Variants in LRP1B observed in about 807,000 individuals in gnomAD.
LRP1B encodes LDL receptor related protein 1B.
Under a neutral mutation model 556.6 loss-of-function variants are expected in LRP1B, and 217 were observed. The observed-to-expected ratio is 0.39, with a 90% CI of 0.35 to 0.44. The LOEUF is 0.44. Ranked by LOEUF, LRP1B falls within the 20% of genes least tolerant of loss-of-function variation. The pLI is 1.00. For missense variants in LRP1B, 5,053 were observed against 5,620.8 expected (o/e 0.90, Z 3.23); for synonymous variants, 2,047 against 1,865.8 (o/e 1.10, Z -2.50).
At chr2:141,214,528 T>C (rs1482776890) in intron 6 of LRP1B, among the ~76,000 whole-genome samples, 2 of 152,194 alleles carry the variant, frequency 1.3e-5, no homozygotes, top group Non-Finnish European at 2.9e-5. Flanking sequence ...AAATGTCTAC[T>C]CAGCCTAAGT....
intron 7 of LRP1B, among the ~76,000 whole-genome samples, chr2:141,135,770 T>C (rs1190527829): frequency 2.0e-5 from 3 of 151,954 alleles, no homozygotes; most frequent in South Asian, 4.1e-4. Flanking sequence ...ACTGAGTATA[T>C]ACATGTGGTT....
intron 1 of LRP1B, among the ~76,000 whole-genome samples, chr2:141,826,484 G>C (rs1015300778): frequency 2.0e-5 from 3 of 149,088 alleles, no homozygotes; most frequent in African/African-American, 7.4e-5. Flanking sequence ...CTCAGCCTCC[G>C]GAGTAGCTGG....
At chr2:141,183,559 C>G (rs1372687393) in intron 7 of LRP1B, among the ~76,000 whole-genome samples, 2 of 152,014 alleles carry the variant, frequency 1.3e-5, no homozygotes, top group African/African-American at 4.8e-5. Flanking sequence ...TTGTACAGAA[C>G]AAAGACAACA....
intron 7 of LRP1B, among the ~76,000 whole-genome samples, chr2:141,127,126 T>A (rs943812435): frequency 2.0e-5 from 3 of 152,006 alleles, no homozygotes; most frequent in Non-Finnish European, 4.4e-5. Flanking sequence ...TTTCTATGCC[T>A]GTGTTAGCTT....
intron 41 of LRP1B, among the ~76,000 whole-genome samples, chr2:140,698,093 C>A (rs1260512474): frequency 2.6e-5 from 4 of 151,560 alleles, no homozygotes; most frequent in Non-Finnish European, 5.9e-5. Context: ...TTTTGGCAGA[C>A]CAAGACATTC....
intron 2 of LRP1B, among the ~76,000 whole-genome samples, chr2:141,625,579 T>A (rs1263365716): frequency 6.6e-6 from 1 of 152,180 alleles, no homozygotes; most frequent in Non-Finnish European, 1.5e-5. Flanking sequence ...GACTCTTATT[T>A]ACCTTTCTAT....
At chr2:142,111,619 A>T (rs1251432228) in intron 1 of LRP1B, among the ~76,000 whole-genome samples, 2 of 152,166 alleles carry the variant, frequency 1.3e-5, no homozygotes, top group African/African-American at 4.8e-5. Context: ...CATTTAAATC[A>T]TACCACATGG....
In LRP1B at chr2:141,480,382, A is replaced by G; in HGVS notation, c.343+14T>C. 1 of 1,613,724 alleles carries G rather than the reference A, an allele frequency of 6.2e-7. No homozygotes were observed. The highest frequency in any genetic ancestry group is 8.5e-7 in the Non-Finnish European group (1 of 1,179,788). ...TTTAATATTTCAGTTGCATTGTTCC[A>G]CAAATGGACTCACCCTGACAATGTA... On this transcript the variant is annotated intron_variant, in intron 3 of 90. Transcript: ENST00000389484.
chr2:141,081,496 C>A (rs1699921700), intron 7 of LRP1B, among the ~76,000 whole-genome samples: 1 of 152,092 alleles, frequency 6.6e-6, no homozygotes. Context: ...CTCTTTCTTG[C>A]AAGACTTTCT....
chr2:141,668,668 C>A (rs531667492), intron 2 of LRP1B, among the ~76,000 whole-genome samples: 3 of 152,296 alleles, frequency 2.0e-5, no homozygotes, highest in South Asian at 4.1e-4. Context: ...AAAACCCCTG[C>A]ATTCACCATC....
chr2:141,480,945 T>C (rs1250906926), intron 2 of LRP1B, among the ~76,000 whole-genome samples: 1 of 152,156 alleles, frequency 6.6e-6, no homozygotes, highest in Non-Finnish European at 1.5e-5. Flanking sequence ...TAGAATTACA[T>C]CAGGTAACAG....
chr2:140,418,517 T>C (rs977996006), intron 66 of LRP1B, among the ~76,000 whole-genome samples: 4 of 152,174 alleles, frequency 2.6e-5, no homozygotes, highest in African/African-American at 7.2e-5. Context: ...AGGCAGAATA[T>C]GCTGAGATTG....
chr2:140,542,214 T>A (rs1680163905), intron 43 of LRP1B, among the ~76,000 whole-genome samples: 2 of 152,212 alleles, frequency 1.3e-5, no homozygotes, highest in South Asian at 4.1e-4. Flanking sequence ...TACTTTTATT[T>A]AATTATTCAA....
chr2:140,582,958 G>A (rs1376665871), intron 43 of LRP1B, among the ~76,000 whole-genome samples: 1 of 152,020 alleles, frequency 6.6e-6, no homozygotes, highest in Non-Finnish European at 1.5e-5. Context: ...CCCCATTTGT[G>A]CTCAGTCCCA....
rs572659419 is a variant in LRP1B at position 141,566,621 on chromosome 2, C to A, written c.206-86088G>T. Among the ~76,000 whole-genome samples, 240 of 152,270 alleles carry A rather than the reference C, an allele frequency of 1.6e-3. 1 individual carries two copies. Among genetic ancestry groups the A allele is most frequent in the African/African-American group, 3.3e-3 (137 of 41,554 alleles). On this transcript the variant is annotated intron_variant, in intron 2 of 90. Transcript: ENST00000389484. ...TATCTAATAAATATAAAATCTCCAA[C>A]CTCTCTTTGTTTTAATTTTCTCATC...
At chr2:140,869,468 A>G (rs557896282) in intron 25 of LRP1B, among the ~76,000 whole-genome samples, 1 of 152,242 alleles carries the variant, frequency 6.6e-6, no homozygotes, top group Non-Finnish European at 1.5e-5. Context: ...GTATATACAC[A>G]GGATATACTG....
At chr2:141,090,641 T>G (rs996893941) in intron 7 of LRP1B, among the ~76,000 whole-genome samples, 6 of 152,222 alleles carry the variant, frequency 3.9e-5, no homozygotes, top group African/African-American at 1.4e-4. Context: ...CTATTTTATG[T>G]CAGGTTAGAA....
At chr2:141,549,118 A>G (rs1685658088) in intron 2 of LRP1B, among the ~76,000 whole-genome samples, 1 of 152,202 alleles carries the variant, frequency 6.6e-6, no homozygotes, top group Non-Finnish European at 1.5e-5. Context: ...GAAGACATAT[A>G]GTAATGTGGT....
At chr2:141,181,488 G>A (rs1267287849) in intron 7 of LRP1B, among the ~76,000 whole-genome samples, 1 of 136,804 alleles carries the variant, frequency 7.3e-6, no homozygotes, top group Non-Finnish European at 1.7e-5. Flanking sequence ...ACTAGAAACA[G>A]AGTTGTGCAC....
Sources: allele counts gnomAD v4.1 joint callset (sites outside exome capture counted in the v4.1 genomes callset), GRCh38; gene constraint gnomAD v4.1.1; transcripts MANE v1.5; gene names NCBI Gene and HGNC (gene_info 2026-07-23, HGNC 2026-07-21).